The following MYO9A variants were observed in gnomAD, a reference collection of about 807,000 sequenced individuals.
The protein encoded by MYO9A is myosin IXA.
A neutral mutation model predicts 293.3 loss-of-function variants in MYO9A; 103 were observed. That is an observed-to-expected ratio of 0.35 (90% confidence interval 0.30 to 0.41). MYO9A has a LOEUF of 0.41. Ranked by LOEUF, MYO9A falls within the 10% of genes least tolerant of loss-of-function variation. MYO9A has a pLI of 1.00. For missense variants in MYO9A, 2,685 were observed against 3,033.0 expected, an observed-to-expected ratio of 0.89 and a Z score of 2.69; for synonymous variants, 1,001 against 1,035.7, an observed-to-expected ratio of 0.97 and a Z score of 0.64.
intron 1 of MYO9A, among the ~76,000 whole-genome samples, chr15:72,099,639 A>G (rs2080199625): frequency 6.6e-6 from 1 of 151,848 alleles, no homozygotes; most frequent in Non-Finnish European, 1.5e-5. Context: ...GCGGTGGCTC[A>G]TGCCTGTAAT....
At chr15:71,828,777 T>A (rs144671603) in intron 40 of MYO9A, among the ~76,000 whole-genome samples, 6 of 152,366 alleles carry the variant, frequency 3.9e-5, no homozygotes, top group Middle Eastern at 3.4e-3. Context: ...AGTTCCTTTA[T>A]GTCTGCAACT....
intron 1 of MYO9A, among the ~76,000 whole-genome samples, chr15:72,101,789 G>C (rs1349702742): frequency 6.8e-6 from 1 of 146,800 alleles, no homozygotes; most frequent in Admixed American, 6.9e-5. Context: ...CCCTCTGCCA[G>C]GCCAGCCGCC....
intron 8 of MYO9A, among the ~76,000 whole-genome samples, chr15:72,002,104 T>C (rs530859010): frequency 8.6e-5 from 13 of 152,044 alleles, no homozygotes; most frequent in Non-Finnish European, 1.6e-4. Context: ...AAAATAAAAT[T>C]TAATGTGCCT....
chr15:71,891,102 T>G (rs1041604566), intron 26 of MYO9A: 1 of 152,192 alleles, frequency 6.6e-6, no homozygotes, highest in African/African-American at 2.4e-5. Context: ...ATCCACATAT[T>G]CTACAAAGCA....
At chr15:72,061,935 G>GA (rs2078890118) in intron 1 of MYO9A, among the ~76,000 whole-genome samples, 1 of 152,222 alleles carries the variant, frequency 6.6e-6, no homozygotes, top group Non-Finnish European at 1.5e-5. Flanking sequence ...AGTCCAAGAG[G>GA]TGGTGGTCAC....
chr15:71,946,803 T>C (rs1414679894), intron 15 of MYO9A, among the ~76,000 whole-genome samples: 1 of 152,192 alleles, frequency 6.6e-6, no homozygotes, highest in African/African-American at 2.4e-5. Flanking sequence ...TTTATCAACT[T>C]CATTGTTCTT....
chr15:71,871,899 G>A (rs1298916412), intron 32 of MYO9A, among the ~76,000 whole-genome samples: 2 of 151,408 alleles, frequency 1.3e-5, no homozygotes, highest in Admixed American at 6.6e-5. Context: ...TAATACATAT[G>A]TGTATAAAAT....
In MYO9A at chr15:71,888,096, T is replaced by C; in HGVS notation, c.5163A>G (p.Ser1721=). The C allele has an allele frequency of 6.2e-7, 1 of 1,606,108 alleles. No individual in the cohort carries two copies. Among genetic ancestry groups the C allele is most frequent in the Non-Finnish European group, 8.5e-7 (1 of 1,175,112 alleles). ...TATGAAGTTTTGCTTGTTCATCAAC[T>C]GACGAAAATCGCTGTGATGTCTGTA... is the stretch of plus-strand genomic sequence containing the variant. ...GQRETSQRFS[S]VDEQAKLHKT... is the part of the protein sequence containing the mutation. The change falls in exon 27 of 42, where the codon TCA becomes TCG. Residue 1721 remains serine (S), a synonymous_variant. Transcript: ENST00000356056.
At chr15:71,909,813 G>A (rs199972186) in intron 19 of MYO9A, among the ~76,000 whole-genome samples, 9 of 151,864 alleles carry the variant, frequency 5.9e-5, no homozygotes, top group Non-Finnish European at 1.2e-4. Context: ...TTAACTGTTC[G>A]TTTTTCTTGC....
At chr15:71,922,941 A>G (rs891625928) in intron 18 of MYO9A, among the ~76,000 whole-genome samples, 1 of 152,090 alleles carries the variant, frequency 6.6e-6, no homozygotes, top group African/African-American at 2.4e-5. Context: ...AAAGTGGTGA[A>G]AGCGGGCATC....
chr15:71,935,738 C>T (rs1242420922), intron 16 of MYO9A, among the ~76,000 whole-genome samples: 1 of 152,028 alleles, frequency 6.6e-6, no homozygotes, highest in African/African-American at 2.4e-5. Flanking sequence ...TAGCTGATAT[C>T]TTTAAATATA....
At chr15:71,876,404 G>T (rs1596084300) in intron 31 of MYO9A, among the ~76,000 whole-genome samples, 1 of 140,086 alleles carries the variant, frequency 7.1e-6, no homozygotes, top group East Asian at 2.2e-4. Flanking sequence ...TTGCGGGCTT[G>T]AGCCACCACG....
At chr15:72,026,659 C>T (rs190496890) in intron 4 of MYO9A, among the ~76,000 whole-genome samples, 1 of 152,008 alleles carries the variant, frequency 6.6e-6, no homozygotes, top group African/African-American at 2.4e-5. Flanking sequence ...AACTAAAGAT[C>T]GGTTCTTTGA....
intron 26 of MYO9A, chr15:71,893,320 G>A (rs1220099262): frequency 1.6e-5 from 9 of 563,000 alleles, no homozygotes; most frequent in Non-Finnish European, 2.5e-5. Flanking sequence ...TCCACTAGCA[G>A]AAGTGACAGG....
intron 26 of MYO9A, chr15:71,893,186 C>T (rs1191738964): frequency 2.5e-5 from 31 of 1,260,582 alleles, no homozygotes; most frequent in African/African-American, 3.1e-5. Flanking sequence ...ACCTGCTTGA[C>T]CAAATGATAA....
intron 19 of MYO9A, among the ~76,000 whole-genome samples, chr15:71,905,553 G>C (rs1394440638): frequency 6.6e-6 from 1 of 152,006 alleles, no homozygotes; most frequent in Non-Finnish European, 1.5e-5. Flanking sequence ...GGAGGGCCAA[G>C]GAGGGCAGGA....
At chr15:71,906,908 C>T (rs1163777661) in intron 19 of MYO9A, among the ~76,000 whole-genome samples, 1 of 150,294 alleles carries the variant, frequency 6.7e-6, no homozygotes. Flanking sequence ...GGACTACAGG[C>T]CCCACCACCA....
At chr15:72,088,447 C>T (rs1233551471) in intron 1 of MYO9A, among the ~76,000 whole-genome samples, 1 of 152,190 alleles carries the variant, frequency 6.6e-6, no homozygotes, top group Non-Finnish European at 1.5e-5. Context: ...TCTTCCATCT[C>T]CTCTACTGTG....
chr15:71,999,625 G>A (rs185941881), intron 9 of MYO9A, among the ~76,000 whole-genome samples: 55 of 152,226 alleles, frequency 3.6e-4, no homozygotes, highest in African/African-American at 1.2e-3. Context: ...TGATGAAGAG[G>A]TTAAGATCCT....
Sources: allele counts gnomAD v4.1 joint callset (sites outside exome capture counted in the v4.1 genomes callset), GRCh38; gene constraint gnomAD v4.1.1; transcripts MANE v1.5; gene names NCBI Gene and HGNC (gene_info 2026-07-23, HGNC 2026-07-21).